FBXL7: variants seen among roughly 807,000 people sequenced by gnomAD.
FBXL7 encodes the protein F-box/LRR-repeat protein 7.
A neutral mutation model predicts 38.3 loss-of-function variants in FBXL7; 12 were observed. The observed-to-expected ratio is 0.31, with a 90% CI of 0.20 to 0.51. FBXL7 has a LOEUF of 0.51. FBXL7 is among the 20% of genes least tolerant of loss of function. The pLI, the probability that FBXL7 is intolerant of heterozygous loss-of-function variation, is 0.98. For missense variants in FBXL7, 567 were observed against 676.4 expected, an observed-to-expected ratio of 0.84 and a Z score of 1.79; for synonymous variants, 297 against 300.9, an observed-to-expected ratio of 0.99 and a Z score of 0.13.
chr5:15,500,557 A>C lies in FBXL7; in HGVS notation c.-120A>C. On this transcript the variant is annotated 5_prime_UTR_variant, in exon 1 of 4. Coordinates refer to ENST00000504595, the MANE Select transcript of FBXL7 (RefSeq NM_012304.5). Reference sequence around the variant, plus strand: ...TCTCCAGGCCGGAGGTCGGCCCCGGAGCTTGGGGGGGATGTGCAGCTAACG... The same window carrying C: ...TCTCCAGGCCGGAGGTCGGCCCCGGCGCTTGGGGGGGATGTGCAGCTAACG... 2 of 1,415,054 alleles carry C rather than the reference A, an allele frequency of 1.4e-6. No individual in the cohort carries two copies. The highest frequency in any genetic ancestry group is 1.0e-6 in the Non-Finnish European group (1 of 999,896). 87.7% of individuals were successfully genotyped at this position (1,415,054 alleles called of 1,614,324 possible).
intron 1 of FBXL7, among the ~76,000 whole-genome samples, chr5:15,522,432 T>C (rs1737124191): frequency 6.6e-6 from 1 of 152,206 alleles, no homozygotes; most frequent in Non-Finnish European, 1.5e-5. Flanking sequence ...ATGACATTTG[T>C]CTCCCTTCTA....
intron 2 of FBXL7, among the ~76,000 whole-genome samples, chr5:15,703,734 G>A (rs891356931): frequency 6.6e-6 from 1 of 152,118 alleles, no homozygotes; most frequent in Non-Finnish European, 1.5e-5. Context: ...TTTGAAGGGT[G>A]TGACGTCTCT....
intron 2 of FBXL7, among the ~76,000 whole-genome samples, chr5:15,821,420 C>T (rs932406908): frequency 4.6e-5 from 7 of 152,164 alleles, no homozygotes; most frequent in Non-Finnish European, 8.8e-5. Context: ...AAAAACCCGT[C>T]GCACAGGGAG....
At position 15,697,205 on chromosome 5, in the gene FBXL7, G is replaced by T. The variant is rs188464498; in HGVS notation, c.127+81133G>T. On this transcript the variant is annotated intron_variant, in intron 2 of 3. Coordinates refer to ENST00000504595, the MANE Select transcript of FBXL7 (RefSeq NM_012304.5). ...ATTTCTAGGGGAGTTTGGTGTTTTTGTTGGGCCTTAAGGAATAGGTCCTCT... is the reference window on the plus strand; with the variant it reads ...ATTTCTAGGGGAGTTTGGTGTTTTTTTTGGGCCTTAAGGAATAGGTCCTCT... Among the ~76,000 whole-genome samples, 213 of 152,228 alleles carry T rather than the reference G, an allele frequency of 1.4e-3. 1 individual carries two copies. Among genetic ancestry groups the T allele is most frequent in the African/African-American group, 4.6e-3 (192 of 41,528 alleles).
intron 2 of FBXL7, among the ~76,000 whole-genome samples, chr5:15,834,316 T>C (rs986441761): frequency 6.6e-6 from 1 of 152,216 alleles, no homozygotes. Flanking sequence ...ATATGCAGAT[T>C]TTTGTCCAAT....
intron 2 of FBXL7, among the ~76,000 whole-genome samples, chr5:15,840,454 G>A (rs1738715009): frequency 6.6e-6 from 1 of 152,114 alleles, no homozygotes; most frequent in Non-Finnish European, 1.5e-5. Context: ...ATTTCATTGG[G>A]ATTTTGATTT....
At chr5:15,765,418 T>C (rs767575362) in intron 2 of FBXL7, among the ~76,000 whole-genome samples, 29 of 152,164 alleles carry the variant, frequency 1.9e-4, no homozygotes, top group Non-Finnish European at 3.7e-4. Flanking sequence ...TTTAGTGTTA[T>C]AATCAATATA....
chr5:15,784,401 A>G (rs1476360303), intron 2 of FBXL7, among the ~76,000 whole-genome samples: 1 of 152,206 alleles, frequency 6.6e-6, no homozygotes, highest in Non-Finnish European at 1.5e-5. Flanking sequence ...TGGATTTATA[A>G]AGAAGCACAT....
At chr5:15,563,876 A>G (rs554566991) in intron 1 of FBXL7, among the ~76,000 whole-genome samples, 6 of 152,140 alleles carry the variant, frequency 3.9e-5, no homozygotes, top group African/African-American at 1.4e-4. Flanking sequence ...GTCAAGCTCC[A>G]GAGTTGTGCC....
intron 2 of FBXL7, among the ~76,000 whole-genome samples, chr5:15,666,309 T>C (rs1321589180): frequency 6.6e-6 from 1 of 152,188 alleles, no homozygotes; most frequent in Non-Finnish European, 1.5e-5. Flanking sequence ...CTGTCTTAAT[T>C]ATGTTTAAGT....
intron 2 of FBXL7, among the ~76,000 whole-genome samples, chr5:15,760,668 C>T (rs1056501913): frequency 6.6e-6 from 1 of 152,052 alleles, no homozygotes; most frequent in Non-Finnish European, 1.5e-5. Flanking sequence ...ACAAAGATGC[C>T]ATCCCCTGGA....
intron 2 of FBXL7, among the ~76,000 whole-genome samples, chr5:15,646,165 C>G (rs1240620239): frequency 1.3e-5 from 2 of 152,052 alleles, no homozygotes; most frequent in African/African-American, 4.8e-5. Context: ...GTTTGGCACA[C>G]TATAAAGAAC....
At position 15,757,539 on chromosome 5, in the gene FBXL7, G is replaced by GAA. The variant is rs80038304; in HGVS notation, c.127+141481_127+141482dup. On this transcript the variant is annotated intron_variant, in intron 2 of 3. Transcript: ENST00000504595. ...AACTCTGTAGATTTTATTTTCTCAG[G>GAA]AAAAAAAAAAAAAAAGATTTGTTTC... is the stretch of plus-strand genomic sequence containing the variant. Among the ~76,000 whole-genome samples the GAA allele has an allele frequency of 2.7e-3, 353 of 129,842 alleles. 3 individuals are homozygous for GAA. The highest frequency in any genetic ancestry group is 9.3e-3 in the African/African-American group (332 of 35,694). 85.2% of individuals were successfully genotyped at this position (129,842 alleles called of 152,430 possible).
intron 2 of FBXL7, among the ~76,000 whole-genome samples, chr5:15,811,081 C>A (rs567237166): frequency 1.3e-5 from 2 of 152,236 alleles, no homozygotes; most frequent in Admixed American, 6.5e-5. Context: ...CAGTTACTAA[C>A]CATCCTACTG....
At chr5:15,708,662 T>A (rs951619687) in intron 2 of FBXL7, among the ~76,000 whole-genome samples, 1 of 152,170 alleles carries the variant, frequency 6.6e-6, no homozygotes, top group African/African-American at 2.4e-5. Context: ...GAGGAAAAAA[T>A]TCCTTTTTTT....
At chr5:15,546,967 G>A (rs599166) in intron 1 of FBXL7, among the ~76,000 whole-genome samples, 2,073 of 152,266 alleles carry the variant, frequency 0.014, 48 homozygotes, top group African/African-American at 0.048. Context: ...TGAGCACATC[G>A]TAGTTGACAC....
At chr5:15,796,969 C>T (rs1737432099) in intron 2 of FBXL7, among the ~76,000 whole-genome samples, 1 of 152,160 alleles carries the variant, frequency 6.6e-6, no homozygotes, top group Admixed American at 6.5e-5. Context: ...TACATACATA[C>T]AAGTGGTAGT....
chr5:15,912,751 C>G (rs145269287), intron 2 of FBXL7, among the ~76,000 whole-genome samples: 4 of 152,060 alleles, frequency 2.6e-5, no homozygotes, highest in Non-Finnish European at 4.4e-5. Flanking sequence ...TCCTGCCTCC[C>G]GCACTCAGGG....
At chr5:15,643,154 C>T (rs1308185755) in intron 2 of FBXL7, among the ~76,000 whole-genome samples, 3 of 152,262 alleles carry the variant, frequency 2.0e-5, no homozygotes, top group Middle Eastern at 3.4e-3. Flanking sequence ...TCTCAGTGAA[C>T]TCTCTAGCGA....
Sources: gnomAD v4.1 joint callset for allele counts (sites outside exome capture counted in the v4.1 genomes callset) on GRCh38, gnomAD v4.1.1 for gene constraint, MANE v1.5 for transcripts, NCBI Gene and HGNC (gene_info 2026-07-23, HGNC 2026-07-21) for gene names.